The following PCM1 variants were observed in gnomAD, a reference collection of about 807,000 sequenced individuals.
PCM1 encodes the protein pericentriolar material 1.
Under a neutral mutation model 241.9 loss-of-function variants are expected in PCM1, and 157 were observed. That is an observed-to-expected ratio of 0.65 (90% CI 0.57 to 0.74). The LOEUF is 0.74. PCM1 is among the 30% of genes least tolerant of loss of function. The probability of loss-of-function intolerance (pLI) is 0.00; values close to 1 mark genes in which losing one functional copy is unlikely to be tolerated. For synonymous variants in PCM1, 1,085 were observed against 784.9 expected (o/e 1.38, Z -6.39); for missense variants, 3,478 against 2,360.1 (o/e 1.47, Z -9.81).
At position 17,924,705 on chromosome 8, in the gene PCM1, C is replaced by T. The variant is rs906840010; in HGVS notation, c.-90-8C>T. 2 of 152,062 alleles carry T rather than the reference C, an allele frequency of 1.3e-5. No homozygotes were observed. The highest frequency in any genetic ancestry group is 2.9e-5 in the Non-Finnish European group (2 of 68,034). 9.4% of individuals were successfully genotyped at this position (152,062 alleles called of 1,614,324 possible). A position where few individuals can be genotyped will look rare whatever the true frequency, so the allele number is the denominator to read the frequency against. ...ACTTAAGTGATACATATTTTTAATC[C>T]TAATTAGGAAACAGCTTTGAAGTGT... On this transcript the variant is annotated splice_region_variant and splice_polypyrimidine_tract_variant and intron_variant, in intron 1 of 38. Transcript: ENST00000325083.
intron 7 of PCM1, among the ~76,000 whole-genome samples, chr8:17,949,037 T>C (rs1327592117): frequency 6.6e-6 from 1 of 152,202 alleles, no homozygotes; most frequent in Admixed American, 6.5e-5. Flanking sequence ...TCAGGGGTCT[T>C]GTTTCTTTTT....
intron 2 of PCM1, among the ~76,000 whole-genome samples, chr8:17,932,947 A>G (rs552701985): frequency 6.6e-6 from 1 of 152,248 alleles, no homozygotes; most frequent in African/African-American, 2.4e-5. Context: ...TCTGGGATGG[A>G]TGGTACTGGA....
intron 2 of PCM1, among the ~76,000 whole-genome samples, chr8:17,931,115 AT>A (rs529728829): frequency 1.1e-3 from 169 of 152,306 alleles, no homozygotes; most frequent in African/African-American, 3.4e-3. Context: ...TACTAAAAAA[AT>A]CATCTGTTTT....
chr8:17,943,387 A>G (rs208770), intron 6 of PCM1, among the ~76,000 whole-genome samples: 77,892 of 151,930 alleles, frequency 0.51, 20,971 homozygotes, highest in Middle Eastern at 0.64. Flanking sequence ...GATTATTTTA[A>G]AAACTAGTGG....
chr8:17,972,768 C>T (rs2077270914), intron 23 of PCM1, 81 bp downstream of exon 23: 1 of 801,240 alleles, frequency 1.2e-6, no homozygotes, highest in African/African-American at 1.7e-5. Context: ...GATATAGTTT[C>T]AGTAAGGCTA....
In PCM1 at chr8:17,960,150, T is replaced by G. The variant is rs1191472801; in HGVS notation, c.2177T>G (p.Val726Gly). ...NANKTQKDTG[V>G]NEKAREKFYE... ...AATAAAACACAGAAAGATACTGGAG[T>G]AAATGAAAAGGCAAGGTATGTTAAG... The change falls in exon 14 of 39, where the codon GTA (valine) becomes GGA (glycine). Residue 726 changes from valine (V) to glycine (G), a missense_variant. Val to Gly is a moderately radical substitution (Grantham distance 109, BLOSUM62 -3). Transcript: ENST00000325083. 1.3e-6 allele frequency: 2 copies of G among 1,574,164 alleles called. No individual in the cohort carries two copies. Among genetic ancestry groups the G allele is most frequent in the Non-Finnish European group, 1.7e-6 (2 of 1,160,418 alleles).
chr8:18,014,627 C>A lies in PCM1; in HGVS notation c.5628C>A (p.Ile1876=). Residue 1876 remains isoleucine (I), a synonymous_variant, in exon 36 of 39, where the codon ATC becomes ATA. Transcript: ENST00000325083. ...NCPVKPCYLN[I]LEDEQPLNSA... is the part of the protein sequence containing the mutation. ...CTGTGAAACCCTGTTACCTCAATAT[C>A]TTGGAAGATGAGCAACCTTTAAATA... 1 of 1,612,926 alleles carries A rather than the reference C, an allele frequency of 6.2e-7. No homozygotes were observed. The highest frequency in any genetic ancestry group is 1.1e-5 in the South Asian group (1 of 90,962).
intron 6 of PCM1, among the ~76,000 whole-genome samples, chr8:17,945,243 GA>G (rs1381113019): frequency 1.3e-5 from 2 of 152,062 alleles, no homozygotes; most frequent in African/African-American, 4.8e-5. Context: ...AGACTAGGAT[GA>G]ATTTCCACGG....
At chr8:17,976,542 C>G (rs556810510) in intron 23 of PCM1, among the ~76,000 whole-genome samples, 2 of 152,186 alleles carry the variant, frequency 1.3e-5, no homozygotes, top group Admixed American at 1.3e-4. Flanking sequence ...CCTCTCTTGT[C>G]CATGTTCCAG....
In PCM1 at chr8:17,946,871, G is replaced by A. The variant is rs556439420; in HGVS notation, c.784-315G>A. ...TGTGTGTGTGTGTGTGTGTGTGTGT[G>A]TCCATGTGTCCGTGTCCCTCTTGGC... On this transcript the variant is annotated intron_variant, in intron 6 of 38. Transcript: ENST00000325083. Among the ~76,000 whole-genome samples, 410 of 148,802 alleles carry A rather than the reference G, an allele frequency of 2.8e-3. 3 individuals carry two copies. Among genetic ancestry groups the A allele is most frequent in the African/African-American group, 9.9e-3 (396 of 40,112 alleles).
At chr8:18,003,793 C>T (rs1420787976) in intron 29 of PCM1, among the ~76,000 whole-genome samples, 2 of 151,934 alleles carry the variant, frequency 1.3e-5, no homozygotes, top group Non-Finnish European at 2.9e-5. Context: ...AAAGAATATA[C>T]TTATAAATTT....
intron 36 of PCM1, among the ~76,000 whole-genome samples, chr8:18,015,199 T>A (rs1474793603): frequency 1.3e-5 from 2 of 151,902 alleles, no homozygotes; most frequent in Non-Finnish European, 2.9e-5. Flanking sequence ...AGGTTTACAC[T>A]TGGGATAGGA....
At chr8:17,984,397 C>G (rs560627312) in intron 24 of PCM1, among the ~76,000 whole-genome samples, 1 of 152,008 alleles carries the variant, frequency 6.6e-6, no homozygotes, top group African/African-American at 2.4e-5. Context: ...TGTGATAGTT[C>G]ATACCTTAAA....
At chr8:18,022,307 T>A (rs2093818986) in intron 36 of PCM1, among the ~76,000 whole-genome samples, 1 of 152,234 alleles carries the variant, frequency 6.6e-6, no homozygotes, top group Non-Finnish European at 1.5e-5. Context: ...AGTTTTGATT[T>A]GGTTTTGCAT....
chr8:18,012,708 C>A (rs959305727), intron 34 of PCM1, among the ~76,000 whole-genome samples: 4 of 152,118 alleles, frequency 2.6e-5, no homozygotes, highest in African/African-American at 9.7e-5. Flanking sequence ...ATTACTGCCA[C>A]ACCATTTTCT....
intron 23 of PCM1, among the ~76,000 whole-genome samples, chr8:17,977,664 TGGC>T (rs2129473997): frequency 6.6e-6 from 1 of 152,290 alleles, no homozygotes; most frequent in African/African-American, 2.4e-5. Flanking sequence ...AGCTACTAGT[TGGC>T]AGAAAGGTTA....
rs146267395 is a variant in PCM1 at position 17,988,638 on chromosome 8, T to C, written c.4411-1221T>C. ...ATATATATCTGACAACTGTCTGATATATAGACTGTATAAAGCTTACAACTC... is the reference window on the plus strand; with the variant it reads ...ATATATATCTGACAACTGTCTGATACATAGACTGTATAAAGCTTACAACTC... On this transcript the variant is annotated intron_variant, in intron 26 of 38. Coordinates refer to ENST00000325083, the MANE Select transcript of PCM1 (RefSeq NM_006197.4). 1.9e-4 allele frequency among the ~76,000 whole-genome samples: 29 copies of C among 152,044 alleles called. No homozygotes were observed. In the East Asian group the frequency reaches 3.7e-3, roughly 19 times the overall value.
rs1433133886 is a variant in PCM1 at position 17,955,488 on chromosome 8, T to A, written c.1307T>A (p.Val436Asp). 1 of 1,609,582 alleles carries A rather than the reference T, an allele frequency of 6.2e-7. No individual in the cohort carries two copies. Among genetic ancestry groups the A allele is most frequent in the South Asian group, 1.1e-5 (1 of 89,864 alleles). Residue 436 changes from valine to aspartate, a missense_variant, in exon 10 of 39, where the codon GTC becomes GAC. Transcript: ENST00000325083. ...NNSSSSPQRS[V>D]DQRSTSAPSA... ...TCTTCAGCCTCTCCACAAAGGAGTG[T>A]CGATCAGAGAAGTACTTCAGCTCCC...
rs748541946 is a variant in PCM1 at position 17,955,562 on chromosome 8, C to G, written c.1381C>G (p.Leu461Val). The change falls in exon 10 of 39, where the codon CTC becomes GTC. Residue 461 changes from leucine to valine, a missense_variant. Coordinates refer to ENST00000325083, the MANE Select transcript of PCM1 (RefSeq NM_006197.4). Reference sequence around the variant, plus strand: ...GGTTGTCAATGGAGAATCCAATAGCCTCACATCATCTGTTCCTTATCCTAC... The same window carrying G: ...GGTTGTCAATGGAGAATCCAATAGCGTCACATCATCTGTTCCTTATCCTAC... ...APVVNGESNS[L>V]TSSVPYPTAS... 3.1e-6 allele frequency: 5 copies of G among 1,613,562 alleles called. No homozygotes were observed. The South Asian group carries it at 4.4e-5, about 14-fold the overall frequency.
Sources: allele counts gnomAD v4.1 joint callset (sites outside exome capture counted in the v4.1 genomes callset), GRCh38; gene constraint gnomAD v4.1.1; transcripts MANE v1.5; gene names NCBI Gene and HGNC (gene_info 2026-07-23, HGNC 2026-07-21).